The following TNS1 variants were observed in gnomAD, a reference collection of about 807,000 sequenced individuals.
The protein encoded by TNS1 is tensin-1.
In TNS1, 62 loss-of-function variants were observed where a neutral mutation model predicts 168.6. That is an observed-to-expected ratio of 0.37 (90% confidence interval 0.30 to 0.45). TNS1 has a LOEUF of 0.45. Ranked by LOEUF, TNS1 falls within the 20% of genes least tolerant of loss-of-function variation. TNS1 has a pLI of 1.00. For missense variants in TNS1, 2,240 were observed against 2,339.4 expected, an observed-to-expected ratio of 0.96 and a Z score of 0.88; for synonymous variants, 934 against 933.2, an observed-to-expected ratio of 1.00 and a Z score of -0.02.
In TNS1 at chr2:217,935,063, C is replaced by T. The variant is rs139165452; in HGVS notation, c.187-14827G>A. ...GACGCCCCTGCCACAGGTCCTTCCG[C>T]GGCACTACACAGACCTCTCTCTCTG... On this transcript the variant is annotated intron_variant, in intron 3 of 32. Coordinates refer to ENST00000682258, the MANE Select transcript of TNS1 (RefSeq NM_001387777.1). Among the ~76,000 whole-genome samples, 731 of 152,330 alleles carry T rather than the reference C, an allele frequency of 4.8e-3. 6 individuals carry two copies. Among genetic ancestry groups the T allele is most frequent in the African/African-American group, 0.016 (676 of 41,574 alleles).
chr2:217,899,956 C>A (rs1378624658), intron 7 of TNS1, among the ~76,000 whole-genome samples: 2 of 152,226 alleles, frequency 1.3e-5, no homozygotes, highest in Non-Finnish European at 2.9e-5. Flanking sequence ...CGCCAGGACA[C>A]AAAGTCCCTT....
intron 3 of TNS1, among the ~76,000 whole-genome samples, chr2:217,968,898 T>C (rs1034620510): frequency 1.3e-5 from 2 of 152,160 alleles, no homozygotes; most frequent in East Asian, 3.9e-4. Context: ...TTTCACCATG[T>C]TGGTCAGGCT....
At chr2:217,903,712 T>C in intron 6 of TNS1, 1 of 1,007,628 alleles carries the variant, frequency 9.9e-7, no homozygotes, top group South Asian at 1.4e-5. Flanking sequence ...CCTCCTGGTA[T>C]CTAACCCTCA....
chr2:217,893,218 G>A (rs1951915063), intron 10 of TNS1, among the ~76,000 whole-genome samples: 1 of 152,164 alleles, frequency 6.6e-6, no homozygotes, highest in Admixed American at 6.5e-5. Flanking sequence ...ATCCACTGCC[G>A]TGGACATAAG....
intron 3 of TNS1, among the ~76,000 whole-genome samples, chr2:217,939,980 G>T (rs1956829426): frequency 6.6e-6 from 1 of 152,260 alleles, no homozygotes; most frequent in Non-Finnish European, 1.5e-5. Flanking sequence ...CAGACCATTG[G>T]AGGGAAGGAA....
intron 3 of TNS1, among the ~76,000 whole-genome samples, chr2:217,920,883 T>A (rs761143725): frequency 6.6e-6 from 1 of 152,112 alleles, no homozygotes; most frequent in African/African-American, 2.4e-5. Flanking sequence ...GCTATGATCT[T>A]CACCAGTTTC....
At chr2:217,843,974 G>A (rs1946319553) in intron 19 of TNS1, among the ~76,000 whole-genome samples, 1 of 151,952 alleles carries the variant, frequency 6.6e-6, no homozygotes, top group East Asian at 1.9e-4. Context: ...CTCCCTGGAG[G>A]CTCCACTCTC....
chr2:217,962,987 A>C (rs1351265657), intron 3 of TNS1, among the ~76,000 whole-genome samples: 2 of 152,074 alleles, frequency 1.3e-5, no homozygotes, highest in Admixed American at 1.3e-4. Flanking sequence ...CATTAGGGGG[A>C]GTTGGGTGAA....
Position 217,891,055 on chromosome 2 carries a change from G to C in TNS1, c.783-10C>G, listed in dbSNP as rs540840347. The stretch of plus-strand genomic sequence containing the variant: ...CAGAGCCTGGTCCGCACTGCAGGGA[G>C]AGACAGGTGGTCAAAAGAGGCAACT... On this transcript the variant is annotated splice_polypyrimidine_tract_variant and intron_variant, in intron 11 of 32. Transcript: ENST00000682258. The C allele has an allele frequency of 6.2e-6, 10 of 1,614,022 alleles. No homozygotes were observed. Among genetic ancestry groups the C allele is most frequent in the Non-Finnish European group, 8.5e-6 (10 of 1,180,030 alleles).
chr2:218,030,542 A>G (rs1958884101), intron 1 of TNS1, among the ~76,000 whole-genome samples: 1 of 152,254 alleles, frequency 6.6e-6, no homozygotes, highest in Non-Finnish European at 1.5e-5. Flanking sequence ...CCTATAGCAG[A>G]TGCTCAAAAA....
intron 12 of TNS1, among the ~76,000 whole-genome samples, chr2:217,890,005 C>T (rs1414979946): frequency 1.3e-5 from 2 of 152,254 alleles, no homozygotes; most frequent in Non-Finnish European, 2.9e-5. Context: ...CAGTGGGTCA[C>T]ACAACCAGGA....
rs1230108892 is a variant in TNS1, at chr2:217,926,160, G to C, written c.187-5924C>G. On this transcript the variant is annotated intron_variant, in intron 3 of 32. Coordinates refer to ENST00000682258, the MANE Select transcript of TNS1 (RefSeq NM_001387777.1). Reference sequence around the variant, plus strand: ...GCGGCATCTCCAAGCCAAGAAGAGAGGTCTCAGGAGAAACCAACACTGCTC... The same window carrying C: ...GCGGCATCTCCAAGCCAAGAAGAGACGTCTCAGGAGAAACCAACACTGCTC... Among the ~76,000 whole-genome samples the C allele has an allele frequency of 2.0e-5, 3 of 152,178 alleles. No homozygotes were observed. In the East Asian group the frequency reaches 5.8e-4, roughly 29 times the overall value.
intron 3 of TNS1, among the ~76,000 whole-genome samples, chr2:217,962,089 T>C (rs1957510435): frequency 6.6e-6 from 1 of 152,318 alleles, no homozygotes; most frequent in South Asian, 2.1e-4. Flanking sequence ...TACAATAAAT[T>C]TCTTAATATG....
chr2:217,891,208 G>C (rs1179366822), intron 11 of TNS1, among the ~76,000 whole-genome samples, 163 bp from the exon 12 acceptor site: 1 of 152,194 alleles, frequency 6.6e-6, no homozygotes, highest in Admixed American at 6.5e-5. Flanking sequence ...GTGCCGAGAA[G>C]CTTTCAGGAA....
chr2:217,826,390 G>A (rs1277737860), intron 22 of TNS1, among the ~76,000 whole-genome samples: 1 of 151,826 alleles, frequency 6.6e-6, no homozygotes, highest in Non-Finnish European at 1.5e-5. Context: ...CCCACCCCAG[G>A]ACAATATACT....
At chr2:217,947,419 T>C (rs1347791887) in intron 3 of TNS1, among the ~76,000 whole-genome samples, 1 of 151,494 alleles carries the variant, frequency 6.6e-6, no homozygotes, top group African/African-American at 2.4e-5. Context: ...TGGATGCCTG[T>C]GAGCTGCAGA....
intron 3 of TNS1, among the ~76,000 whole-genome samples, chr2:217,973,251 C>T (rs1172037479): frequency 6.6e-6 from 1 of 151,160 alleles, no homozygotes; most frequent in Non-Finnish European, 1.5e-5. Flanking sequence ...AGCTCGGACT[C>T]GGAAGGCTGA....
upstream of TNS1, among the ~76,000 whole-genome samples, chr2:218,013,145 A>G (rs886891546): frequency 3.3e-5 from 5 of 151,760 alleles, no homozygotes; most frequent in African/African-American, 1.2e-4. Flanking sequence ...AATCCCAGCT[A>G]CCTGGGAGAC....
intron 18 of TNS1, among the ~76,000 whole-genome samples, chr2:217,860,401 C>T (rs192661653): frequency 2.6e-4 from 40 of 152,252 alleles, no homozygotes; most frequent in Admixed American, 7.2e-4. Context: ...AATAAGGAGA[C>T]CAGGGGAGGG....
Sources: gnomAD v4.1 joint callset for allele counts (sites outside exome capture counted in the v4.1 genomes callset) on GRCh38, gnomAD v4.1.1 for gene constraint, MANE v1.5 for transcripts, NCBI Gene and HGNC (gene_info 2026-07-23, HGNC 2026-07-21) for gene names.